Variants in TSC22D1 observed in about 807,000 individuals in gnomAD.
TSC22D1 encodes the protein TSC22 domain family member 1.
TSC22D1 carries 9 observed loss-of-function variants against 74.2 expected under a neutral mutation model. That is an observed-to-expected ratio of 0.12 (90% CI 0.07 to 0.21). The LOEUF (loss-of-function observed/expected upper bound fraction) is 0.21. Among genes scored for constraint, TSC22D1 ranks in the 10% least tolerant of loss-of-function variants. The pLI, the probability that TSC22D1 is intolerant of heterozygous loss-of-function variation, is 1.00. For missense variants in TSC22D1, 1,427 were observed against 1,304.7 expected, an observed-to-expected ratio of 1.09 and a Z score of -1.44; for synonymous variants, 586 against 492.5, an observed-to-expected ratio of 1.19 and a Z score of -2.51.
chr13:44,498,428 G>A (rs977596167), intron 1 of TSC22D1, among the ~76,000 whole-genome samples: 52 of 152,122 alleles, frequency 3.4e-4, no homozygotes, highest in African/African-American at 1.2e-3. Flanking sequence ...TCAACTAAAC[G>A]TCTCATTCAG....
chr13:44,510,473 G>A (rs978106669), intron 1 of TSC22D1, among the ~76,000 whole-genome samples: 6 of 151,958 alleles, frequency 3.9e-5, no homozygotes, highest in African/African-American at 1.2e-4. Context: ...ATAATCCTAA[G>A]TGTCTAAAAA....
intron 1 of TSC22D1, among the ~76,000 whole-genome samples, chr13:44,545,014 C>A (rs897470796): frequency 4.6e-5 from 7 of 151,906 alleles, no homozygotes; most frequent in Non-Finnish European, 7.4e-5. Flanking sequence ...ATAAGGCAAC[C>A]TAAGGGTCAA....
At chr13:44,536,575 T>G (rs1881138838) in intron 1 of TSC22D1, 1 of 276,572 alleles carries the variant, frequency 3.6e-6, no homozygotes, top group East Asian at 1.7e-4. Flanking sequence ...ATTTCAACAG[T>G]TCTTATGAAT....
intron 1 of TSC22D1, among the ~76,000 whole-genome samples, chr13:44,551,392 GT>G (rs879329435): frequency 0.083 from 5,010 of 60,688 alleles, 231 homozygotes; most frequent in African/African-American, 0.23. Flanking sequence ...TCAGATGGGT[GT>G]GTGTGTGTGT....
In TSC22D1 at chr13:44,433,947, T is replaced by G; in HGVS notation, c.*679A>C. ...CCTAAATAGTAGTTACAGTCCTCTATTGTACAAAATAGTTACACTACATAC... is the reference window on the plus strand; with the variant it reads ...CCTAAATAGTAGTTACAGTCCTCTAGTGTACAAAATAGTTACACTACATAC... On this transcript the variant is annotated 3_prime_UTR_variant, in exon 3 of 3. Transcript: ENST00000458659. 1 of 1,522,092 alleles carries G rather than the reference T, an allele frequency of 6.6e-7. No individual in the cohort carries two copies. Among genetic ancestry groups the G allele is most frequent in the Non-Finnish European group, 8.8e-7 (1 of 1,140,162 alleles). The allele number at this position is 1,522,092 out of a possible 1,614,324, so 94.3% of individuals were successfully genotyped here. A position where few individuals can be genotyped will look rare whatever the true frequency, so the allele number is the denominator to read the frequency against.
chr13:44,487,867 G>A (rs1878517644), intron 1 of TSC22D1, among the ~76,000 whole-genome samples: 2 of 151,962 alleles, frequency 1.3e-5, no homozygotes, highest in African/African-American at 4.8e-5. Flanking sequence ...GACCAGCCCT[G>A]GCCAACGTGG....
intron 1 of TSC22D1, among the ~76,000 whole-genome samples, chr13:44,536,460 T>G (rs1881133546): frequency 6.6e-6 from 1 of 151,850 alleles, no homozygotes; most frequent in South Asian, 2.1e-4. Flanking sequence ...ATTACCCTTC[T>G]CCATGCTGTC....
intron 1 of TSC22D1, among the ~76,000 whole-genome samples, chr13:44,467,721 G>A (rs1055261500): frequency 3.3e-5 from 5 of 152,152 alleles, no homozygotes; most frequent in African/African-American, 1.2e-4. Flanking sequence ...CAGGGAGAAT[G>A]GCCATTGTTT....
Position 44,434,582 on chromosome 13 carries a change from G to A in TSC22D1, c.*44C>T. ...TCTCCCTAGCACATCTTCTCCGTCT[G>A]TTCAGTTCACACGCAGCAGCCAGTT... On this transcript the variant is annotated 3_prime_UTR_variant, in exon 3 of 3. Transcript: ENST00000458659. 1 of 1,507,138 alleles carries A rather than the reference G, an allele frequency of 6.6e-7. No homozygotes were observed. Among genetic ancestry groups the A allele is most frequent in the Non-Finnish European group, 8.8e-7 (1 of 1,130,812 alleles). The allele number at this position is 1,507,138 out of a possible 1,614,324, so 93.4% of individuals were successfully genotyped here. A position where few individuals can be genotyped will look rare whatever the true frequency, so the allele number is the denominator to read the frequency against.
In TSC22D1 at chr13:44,575,166, A is replaced by T; in HGVS notation, c.909T>A (p.Gly303=). 1 of 1,614,138 alleles carries T rather than the reference A, an allele frequency of 6.2e-7. No homozygotes were observed. Among genetic ancestry groups the T allele is most frequent in the Admixed American group, 1.7e-5 (1 of 60,028 alleles). The change falls in exon 1 of 3, where the codon GGT becomes GGA. Residue 303 remains glycine (G), a synonymous_variant. Coordinates refer to ENST00000458659, the MANE Select transcript of TSC22D1 (RefSeq NM_183422.4). ...TACTAGTGCCAGTAACAGAATTTAT[A>T]CCTATTCCACCTGTAGTACTTGGAG... ...MRAPSTTGGI[G]INSVTGTSTV...
chr13:44,539,948 T>C lies in TSC22D1; in HGVS notation c.2912+33215A>G, dbSNP rs746021870. 4.7e-6 allele frequency: 6 copies of C among 1,285,056 alleles called. No homozygotes were observed. In the South Asian group the frequency reaches 7.4e-5, roughly 16 times the overall value. The allele number at this position is 1,285,056 out of a possible 1,614,324, so 79.6% of individuals were successfully genotyped here. On this transcript the variant is annotated intron_variant, in intron 1 of 2. Coordinates refer to ENST00000458659, the MANE Select transcript of TSC22D1 (RefSeq NM_183422.4). ...ACTGAAATAGAGAGCTGAATATAGATTTAAGGAAAAATTCTTATTAAGAAA... is the reference window on the plus strand; with the variant it reads ...ACTGAAATAGAGAGCTGAATATAGACTTAAGGAAAAATTCTTATTAAGAAA...
intron 1 of TSC22D1, among the ~76,000 whole-genome samples, chr13:44,460,571 C>CT (rs1876945182): frequency 3.9e-5 from 6 of 152,160 alleles, no homozygotes; most frequent in Non-Finnish European, 7.4e-5. Flanking sequence ...TATTTGATGT[C>CT]CTAAACTGTG....
intron 1 of TSC22D1, among the ~76,000 whole-genome samples, chr13:44,521,557 T>TGGTATAAA (rs1313385602): frequency 6.6e-6 from 1 of 151,332 alleles, no homozygotes; most frequent in African/African-American, 2.4e-5. Flanking sequence ...TTGGGGTCAG[T>TGGTATAAA]GGTATAAAGG....
At position 44,575,851 on chromosome 13, in the gene TSC22D1, G is replaced by A. The variant is rs750196577; in HGVS notation, c.224C>T (p.Ser75Leu). 8.1e-6 allele frequency: 13 copies of A among 1,613,996 alleles called. No homozygotes were observed. Among genetic ancestry groups the A allele is most frequent in the Admixed American group, 1.7e-5 (1 of 60,000 alleles). The change falls in exon 1 of 3, where the codon TCG becomes TTG. Residue 75 changes from serine to leucine, a missense_variant. Physicochemically the swap from Ser to Leu is moderately radical, Grantham distance 145. This residue lies in a region of TSC22D1 where 1,343 missense variants were observed against 1,191.5 expected (regional missense o/e 1.13). Transcript: ENST00000458659. ...QPPPPAASST[S>L]GPQPPPPQSL... is the part of the protein sequence containing the mutation. ...TTGTGGAGGCGGAGGCTGTGGTCCC[G>A]ACGTAGAAGATGCTGCAGGGGGCGG...
intron 1 of TSC22D1, chr13:44,436,771 G>A: frequency 1.4e-6 from 2 of 1,468,944 alleles, no homozygotes; most frequent in African/African-American, 1.4e-5. Context: ...CCAGCTTCTA[G>A]GGCTTGATGA....
intron 1 of TSC22D1, among the ~76,000 whole-genome samples, chr13:44,511,921 T>C (rs1328806982): frequency 1.1e-4 from 17 of 152,174 alleles, no homozygotes. Flanking sequence ...AATTAGGATC[T>C]TCCATCCCCT....
At chr13:44,475,329 G>C (rs960136309) in intron 1 of TSC22D1, among the ~76,000 whole-genome samples, 1 of 152,030 alleles carries the variant, frequency 6.6e-6, no homozygotes, top group Non-Finnish European at 1.5e-5. Flanking sequence ...AAAACTGCAG[G>C]ATGCATCTAA....
intron 1 of TSC22D1, among the ~76,000 whole-genome samples, chr13:44,446,769 G>GGAA (rs35003852): frequency 0.96 from 137,965 of 143,422 alleles, 66,460 homozygotes; most frequent in Non-Finnish European, 0.99. Flanking sequence ...AAGAAGAAGA[G>GGAA]GAAGAAGAGG....
chr13:44,440,587 C>CAAAAAAAAAAAAAAAA (rs67344848), intron 1 of TSC22D1, among the ~76,000 whole-genome samples: 1 of 68,268 alleles, frequency 1.5e-5, no homozygotes, highest in Admixed American at 1.8e-4. Context: ...GGCTCTGTCT[C>CAAAAAAAAAAAAAAAA]AAAAAAAAAA....
Sources: allele counts gnomAD v4.1 joint callset (sites outside exome capture counted in the v4.1 genomes callset), GRCh38; gene constraint gnomAD v4.1.1; regional missense constraint gnomAD v4.1.1; transcripts MANE v1.5; gene names NCBI Gene and HGNC (gene_info 2026-07-23, HGNC 2026-07-21).